Variants in SPAG16 observed in about 807,000 individuals in gnomAD.
SPAG16 encodes the protein sperm associated antigen 16, also known as sperm-associated antigen 16 protein.
A neutral mutation model predicts 80.4 loss-of-function variants in SPAG16; 86 were observed. The ratio of observed to expected loss-of-function variants is 1.07; its 90% CI spans 0.90 to 1.28. The LOEUF (loss-of-function observed/expected upper bound fraction) is 1.28. SPAG16 is among the 50% of genes most tolerant of loss of function. The pLI is 0.00. For missense variants in SPAG16, 870 were observed against 765.3 expected, an observed-to-expected ratio of 1.14 and a Z score of -1.61; for synonymous variants, 294 against 265.9, an observed-to-expected ratio of 1.11 and a Z score of -1.03.
intron 15 of SPAG16, among the ~76,000 whole-genome samples, chr2:214,237,412 C>T (rs1409034231): frequency 2.6e-5 from 4 of 151,822 alleles, no homozygotes; most frequent in African/African-American, 4.8e-5. Context: ...TAATGATCTA[C>T]GCTCATGGAG....
chr2:213,859,993 T>TTGA (rs112613257), intron 10 of SPAG16, among the ~76,000 whole-genome samples: 39 of 150,674 alleles, frequency 2.6e-4, no homozygotes, highest in Admixed American at 7.3e-4. Context: ...TTACCATTAG[T>TTGA]TGATGATGAT....
chr2:213,380,448 C>T (rs2067112884), intron 9 of SPAG16, among the ~76,000 whole-genome samples: 1 of 152,200 alleles, frequency 6.6e-6, no homozygotes, highest in Non-Finnish European at 1.5e-5. Flanking sequence ...AGACCATGGA[C>T]ATTTGAGCCA....
At chr2:214,128,126 A>G (rs1173579264) in intron 14 of SPAG16, among the ~76,000 whole-genome samples, 3 of 151,872 alleles carry the variant, frequency 2.0e-5, no homozygotes, top group African/African-American at 7.2e-5. Flanking sequence ...GTAAATAACT[A>G]TGGCATAAGT....
chr2:213,684,492 T>C (rs1398595996), intron 10 of SPAG16, among the ~76,000 whole-genome samples: 2 of 152,224 alleles, frequency 1.3e-5, no homozygotes, highest in East Asian at 1.9e-4. Flanking sequence ...TTTTCTAATG[T>C]TCACATATTA....
chr2:213,924,894 A>G (rs2078395654), intron 11 of SPAG16, among the ~76,000 whole-genome samples: 1 of 152,016 alleles, frequency 6.6e-6, no homozygotes, highest in Non-Finnish European at 1.5e-5. Flanking sequence ...CATTTATTCT[A>G]GTGCTTTTTT....
At chr2:213,448,105 G>A (rs1298589003) in intron 9 of SPAG16, among the ~76,000 whole-genome samples, 1 of 152,176 alleles carries the variant, frequency 6.6e-6, no homozygotes, top group Admixed American at 6.6e-5. Context: ...ATTCTCAACA[G>A]GGAATTTATC....
At chr2:213,453,269 A>G (rs1463968479) in intron 9 of SPAG16, among the ~76,000 whole-genome samples, 2 of 152,144 alleles carry the variant, frequency 1.3e-5, no homozygotes, top group African/African-American at 2.4e-5. Context: ...CTAACCTCTC[A>G]TAGTGTCTGG....
At chr2:213,292,674 AACAAAAAAAACAAAAAAAAAC>A (rs1488179789) in intron 1 of SPAG16, among the ~76,000 whole-genome samples, 2 of 132,530 alleles carry the variant, frequency 1.5e-5, no homozygotes, top group African/African-American at 5.5e-5. Flanking sequence ...AAAAAAAAAA[AACAAAAAAAACAAAAAAAAAC>A]AAAACTATCA....
intron 15 of SPAG16, among the ~76,000 whole-genome samples, chr2:214,307,332 A>G (rs1160696247): frequency 1.3e-5 from 2 of 151,850 alleles, no homozygotes; most frequent in East Asian, 1.9e-4. Context: ...ATTTTTTCCA[A>G]AAAAACAGCT....
intron 15 of SPAG16, among the ~76,000 whole-genome samples, chr2:214,298,819 A>C (rs944779944): frequency 6.6e-6 from 1 of 152,084 alleles, no homozygotes; most frequent in African/African-American, 2.4e-5. Context: ...TTTGGCAAAG[A>C]CTGCTCTAGA....
At chr2:213,424,250 C>T (rs1487981626) in intron 9 of SPAG16, among the ~76,000 whole-genome samples, 1 of 152,074 alleles carries the variant, frequency 6.6e-6, no homozygotes, top group Non-Finnish European at 1.5e-5. Context: ...CACTCAGTTC[C>T]TTCATAAAGT....
At chr2:214,404,218 A>G (rs1254602639) in intron 15 of SPAG16, among the ~76,000 whole-genome samples, 3 of 152,234 alleles carry the variant, frequency 2.0e-5, no homozygotes, top group Non-Finnish European at 2.9e-5. Context: ...ATACTTGGAC[A>G]TTATTCAGTG....
intron 13 of SPAG16, among the ~76,000 whole-genome samples, chr2:214,098,539 A>G (rs1382981088): frequency 1.3e-5 from 2 of 152,074 alleles, no homozygotes; most frequent in Non-Finnish European, 2.9e-5. Context: ...GCCAAGTGGA[A>G]GGACTCATAA....
intron 12 of SPAG16, among the ~76,000 whole-genome samples, chr2:213,951,553 G>A (rs2079781323): frequency 6.6e-6 from 1 of 151,976 alleles, no homozygotes; most frequent in South Asian, 2.1e-4. Flanking sequence ...TGAATAAGAG[G>A]CAAAAGAATG....
chr2:213,770,522 C>T (rs2069184892), intron 10 of SPAG16, among the ~76,000 whole-genome samples: 1 of 152,058 alleles, frequency 6.6e-6, no homozygotes, highest in Non-Finnish European at 1.5e-5. Flanking sequence ...CATGGGGAAA[C>T]ATGTCCCATG....
intron 9 of SPAG16, among the ~76,000 whole-genome samples, chr2:213,483,999 T>A (rs1475288556): frequency 1.3e-5 from 2 of 152,302 alleles, no homozygotes; most frequent in African/African-American, 4.8e-5. Flanking sequence ...AAATAAGAAG[T>A]TTAGTCAAGA....
intron 10 of SPAG16, among the ~76,000 whole-genome samples, chr2:213,566,425 A>C (rs762771869): frequency 6.6e-6 from 1 of 152,118 alleles, no homozygotes; most frequent in African/African-American, 2.4e-5. Context: ...ACCCCCTTCA[A>C]TTTTTTTATT....
At chr2:214,073,694 G>T (rs1017956121) in intron 13 of SPAG16, among the ~76,000 whole-genome samples, 1 of 152,116 alleles carries the variant, frequency 6.6e-6, no homozygotes. Flanking sequence ...AAAGACAAGT[G>T]ATTCTAAAAT....
At chr2:213,995,045 A>C (rs1460317030) in intron 12 of SPAG16, among the ~76,000 whole-genome samples, 1 of 152,196 alleles carries the variant, frequency 6.6e-6, no homozygotes, top group South Asian at 2.1e-4. Flanking sequence ...CTTTGATGGA[A>C]TGGGCTCAAG....
Sources: allele counts gnomAD v4.1 joint callset (sites outside exome capture counted in the v4.1 genomes callset), GRCh38; gene constraint gnomAD v4.1.1; transcripts MANE v1.5; gene names NCBI Gene and HGNC (gene_info 2026-07-23, HGNC 2026-07-21).